Variants in STARD13 observed in about 807,000 individuals in gnomAD.
The protein encoded by STARD13 is StAR related lipid transfer domain containing 13.
Under a neutral mutation model 106.4 loss-of-function variants are expected in STARD13, and 62 were observed. The observed-to-expected ratio is 0.58, with a 90% CI of 0.48 to 0.72. STARD13 has a LOEUF of 0.72. Ranked by LOEUF, STARD13 falls within the 30% of genes least tolerant of loss-of-function variation. The probability of loss-of-function intolerance (pLI) is 0.00; values close to 1 mark genes in which losing one functional copy is unlikely to be tolerated. For missense variants in STARD13, 1,387 were observed against 1,424.0 expected, an observed-to-expected ratio of 0.97 and a Z score of 0.42; for synonymous variants, 565 against 553.0, an observed-to-expected ratio of 1.02 and a Z score of -0.31.
At chr13:33,583,402 T>C in the STARD13 span, among the ~76,000 whole-genome samples, 2 of 152,186 alleles carry the variant, frequency 1.3e-5, no homozygotes, top group Middle Eastern at 3.2e-3. Context: ...AGGACCAAAA[T>C]ATGCCTATCA....
At chr13:33,113,901 C>T (rs916529435) in intron 8 of STARD13, among the ~76,000 whole-genome samples, 5 of 152,170 alleles carry the variant, frequency 3.3e-5, no homozygotes, top group African/African-American at 4.8e-5. Context: ...CCTCTCACTG[C>T]GAAAGACACC....
chr13:33,436,282 T>C, the STARD13 span, among the ~76,000 whole-genome samples: 1 of 152,216 alleles, frequency 6.6e-6, no homozygotes, highest in Admixed American at 6.5e-5. Context: ...TTTTTTACAA[T>C]CTTTAAATGA....
intron 1 of STARD13, among the ~76,000 whole-genome samples, chr13:33,241,275 T>C (rs751873072): frequency 2.0e-4 from 30 of 152,072 alleles, no homozygotes; most frequent in Non-Finnish European, 4.3e-4. Context: ...TCAATAAAGA[T>C]AGAAACAATG....
At chr13:33,375,981 AC>A in the STARD13 span, among the ~76,000 whole-genome samples, 1 of 152,152 alleles carries the variant, frequency 6.6e-6, no homozygotes, top group Non-Finnish European at 1.5e-5. Flanking sequence ...TGACCACATT[AC>A]TTAATGTACT....
At chr13:33,316,979 C>T (rs1223535903) in intron 1 of STARD13, among the ~76,000 whole-genome samples, 3 of 152,152 alleles carry the variant, frequency 2.0e-5, no homozygotes, top group Non-Finnish European at 2.9e-5. Context: ...GAAATTTTGT[C>T]TTCAGTTGTC....
chr13:33,110,339 T>C (rs1265649937), intron 11 of STARD13, among the ~76,000 whole-genome samples: 1 of 152,186 alleles, frequency 6.6e-6, no homozygotes, highest in African/African-American at 2.4e-5. Flanking sequence ...CAGGAACTAT[T>C]CTAAGCCATT....
At chr13:33,447,094 C>T in the STARD13 span, among the ~76,000 whole-genome samples, 929 of 152,258 alleles carry the variant, frequency 6.1e-3, 9 homozygotes, top group African/African-American at 0.021. Context: ...AAAAACAAAA[C>T]TGATTATAGA....
intron 1 of STARD13, among the ~76,000 whole-genome samples, chr13:33,308,376 AT>A (rs1206500585): frequency 3.9e-5 from 6 of 152,198 alleles, no homozygotes; most frequent in Admixed American, 2.6e-4. Context: ...GTATATATAT[AT>A]TTTTTAAGTG....
the STARD13 span, among the ~76,000 whole-genome samples, chr13:33,522,573 G>A: frequency 7.2e-5 from 11 of 152,040 alleles, no homozygotes; most frequent in Non-Finnish European, 1.2e-4. Flanking sequence ...CAGCACTCAC[G>A]GATTTTTTAC....
chr13:33,589,452 C>G, the STARD13 span, among the ~76,000 whole-genome samples: 1 of 152,148 alleles, frequency 6.6e-6, no homozygotes, highest in Non-Finnish European at 1.5e-5. Context: ...ATAAATTTCC[C>G]TCTACACACT....
At chr13:33,336,130 C>G (rs1169959187) in intron 1 of STARD13, 2 of 152,190 alleles carry the variant, frequency 1.3e-5, no homozygotes, top group African/African-American at 4.8e-5. Flanking sequence ...AACAGAGACA[C>G]AAGTAAATCA....
At chr13:33,429,957 G>T in the STARD13 span, among the ~76,000 whole-genome samples, 4 of 147,166 alleles carry the variant, frequency 2.7e-5, no homozygotes, top group Non-Finnish European at 3.0e-5. Context: ...TCGCTCTGTT[G>T]CCCAGGCTGG....
chr13:33,614,296 T>TGTGTGTGTGTGTG, the STARD13 span, among the ~76,000 whole-genome samples: 4 of 151,794 alleles, frequency 2.6e-5, no homozygotes, highest in South Asian at 2.1e-4. Context: ...TGTGTGTGTG[T>TGTGTGTGTGTGTG]TTCTTGGAAA....
At chr13:33,564,319 A>G in the STARD13 span, among the ~76,000 whole-genome samples, 1 of 146,926 alleles carries the variant, frequency 6.8e-6, no homozygotes, top group East Asian at 2.0e-4. Flanking sequence ...TATCAGAGAA[A>G]TACTAATCAA....
the STARD13 span, among the ~76,000 whole-genome samples, chr13:33,643,036 G>A: frequency 6.6e-6 from 1 of 152,022 alleles, no homozygotes; most frequent in Admixed American, 6.6e-5. Flanking sequence ...CCAGCTGCTC[G>A]GGAAAGGAGA....
At chr13:33,675,778 T>C in the STARD13 span, among the ~76,000 whole-genome samples, 1 of 152,174 alleles carries the variant, frequency 6.6e-6, no homozygotes, top group Non-Finnish European at 1.5e-5. Context: ...ACGTCTTCTC[T>C]TTTAAGTTCT....
upstream of STARD13, among the ~76,000 whole-genome samples, chr13:33,353,493 C>T (rs2078099090): frequency 6.6e-6 from 1 of 152,166 alleles, no homozygotes; most frequent in Non-Finnish European, 1.5e-5. Context: ...TCACATGGTC[C>T]TTCTTAAGGC....
the STARD13 span, among the ~76,000 whole-genome samples, chr13:33,607,256 G>A: frequency 1.3e-5 from 2 of 150,404 alleles, no homozygotes; most frequent in African/African-American, 2.4e-5. Flanking sequence ...AAAACATGGT[G>A]TTTAAGATTA....
chr13:33,297,630 A>T (rs866087228), intron 1 of STARD13, among the ~76,000 whole-genome samples: 1 of 152,146 alleles, frequency 6.6e-6, no homozygotes, highest in African/African-American at 2.4e-5. Flanking sequence ...ATGCTAAAGA[A>T]AAGTTTAGAA....
Sources: allele counts gnomAD v4.1 joint callset (sites outside exome capture counted in the v4.1 genomes callset), GRCh38; gene constraint gnomAD v4.1.1; transcripts MANE v1.5; gene names NCBI Gene and HGNC (gene_info 2026-07-23, HGNC 2026-07-21).